The following NXPE4 variants were observed in gnomAD, a reference collection of about 807,000 sequenced individuals.
NXPE4 encodes the protein NXPE family member 4.
Under a neutral mutation model 33.3 loss-of-function variants are expected in NXPE4, and 42 were observed. That is an observed-to-expected ratio of 1.26 (90% CI 0.98 to 1.63). NXPE4 has a LOEUF of 1.63. Ranked by LOEUF, NXPE4 falls within the 40% of genes most tolerant of loss-of-function variation. NXPE4 has a pLI of 0.00. For synonymous variants in NXPE4, 253 were observed against 234.9 expected (o/e 1.08, Z -0.71); for missense variants, 709 against 647.6 (o/e 1.09, Z -1.03).
At chr11:114,580,087 A>G in intron 5 of NXPE4, 45 bp downstream of exon 5, 2 of 1,464,994 alleles carry the variant, frequency 1.4e-6, no homozygotes, top group Non-Finnish European at 1.9e-6. Flanking sequence ...AATGGAAAAG[A>G]AGTTTCTGAA....
chr11:114,620,363 GA>G, the NXPE4 span, among the ~76,000 whole-genome samples: 3 of 151,926 alleles, frequency 2.0e-5, no homozygotes, highest in African/African-American at 7.3e-5. Context: ...GTTACCGGTG[GA>G]AAATAAGTGT....
chr11:114,581,007 G>A (rs906171509), intron 4 of NXPE4, among the ~76,000 whole-genome samples: 3 of 152,162 alleles, frequency 2.0e-5, no homozygotes, highest in African/African-American at 7.2e-5. Context: ...TAAGTGGGAT[G>A]AGTGTACTCA....
chr11:114,634,363 G>A, the NXPE4 span, among the ~76,000 whole-genome samples: 3 of 150,528 alleles, frequency 2.0e-5, no homozygotes, highest in African/African-American at 7.3e-5. Context: ...CTGGATATTA[G>A]CCCTTTGTCA....
At chr11:114,580,858 C>A (rs1025654549) in intron 4 of NXPE4, among the ~76,000 whole-genome samples, 2 of 152,080 alleles carry the variant, frequency 1.3e-5, no homozygotes, top group African/African-American at 4.8e-5. Context: ...CTTAGAGGTC[C>A]AAGATGGGCC....
At chr11:114,575,741 G>A (rs958564922) in intron 5 of NXPE4, among the ~76,000 whole-genome samples, 1 of 152,030 alleles carries the variant, frequency 6.6e-6, no homozygotes, top group African/African-American at 2.4e-5. Context: ...CTCATGGATG[G>A]GTAGAATAAA....
the NXPE4 span, among the ~76,000 whole-genome samples, chr11:114,638,186 C>G: frequency 2.6e-5 from 4 of 151,944 alleles, no homozygotes; most frequent in Non-Finnish European, 5.9e-5. Context: ...TTTCTCTAAA[C>G]TTCCCTTCTC....
At chr11:114,581,681 G>A in intron 4 of NXPE4, 44 bp downstream of exon 4, 1 of 1,433,502 alleles carries the variant, frequency 7.0e-7, no homozygotes, top group South Asian at 1.2e-5. Context: ...CCCTTTAAAT[G>A]GGTCTAGAAC....
chr11:114,583,700 T>C, intron 2 of NXPE4: 2 of 571,690 alleles, frequency 3.5e-6, no homozygotes, highest in Non-Finnish European at 7.0e-6. Context: ...GGCATCTGGC[T>C]TCTGTTATGT....
chr11:114,671,570 C>T, the NXPE4 span, among the ~76,000 whole-genome samples: 2 of 151,842 alleles, frequency 1.3e-5, no homozygotes, highest in Admixed American at 1.3e-4. Flanking sequence ...ACCAGGTAAC[C>T]ACAATAAGAC....
At chr11:114,652,321 G>A in the NXPE4 span, among the ~76,000 whole-genome samples, 5 of 152,288 alleles carry the variant, frequency 3.3e-5, no homozygotes, top group East Asian at 7.7e-4. Context: ...TACCCCTTTG[G>A]AAAGGCTTCA....
chr11:114,584,045 G>C (rs985366759), intron 2 of NXPE4: 1 of 328,306 alleles, frequency 3.0e-6, no homozygotes, highest in African/African-American at 2.1e-5. Flanking sequence ...TGGCTCAGAT[G>C]CCTTGTCTAG....
the NXPE4 span, among the ~76,000 whole-genome samples, chr11:114,647,845 G>A: frequency 1.3e-5 from 2 of 151,882 alleles, no homozygotes; most frequent in African/African-American, 2.4e-5. Flanking sequence ...AAGATTACAG[G>A]TGCCTGCCAC....
the NXPE4 span, among the ~76,000 whole-genome samples, chr11:114,618,221 C>T: frequency 7.9e-5 from 12 of 151,872 alleles, no homozygotes; most frequent in East Asian, 5.8e-4. Context: ...CACTGTTACC[C>T]GGAGGATAAT....
intron 2 of NXPE4, among the ~76,000 whole-genome samples, chr11:114,592,524 C>A (rs1371972649): frequency 1.3e-5 from 2 of 151,844 alleles, no homozygotes; most frequent in African/African-American, 4.8e-5. Context: ...AACACACACA[C>A]ACACACTCAC....
Position 114,571,124 on chromosome 11 carries a change from A to C in NXPE4, c.1449T>G (p.Asp483Glu). Residue 483 changes from aspartate (D) to glutamate (E), a missense_variant, in exon 6 of 6, where the codon GAT becomes GAG. Transcript: ENST00000375478. ...KTENIREMYNDAERFSDFHGY... is the reference protein window; with the variant it reads ...KTENIREMYNEAERFSDFHGY... The stretch of plus-strand genomic sequence containing the variant: ...CATGAAAGTCACTAAATCTTTCTGC[A>C]TCATTGTACATCTCCCTGATGTTTT... 1 of 1,613,982 alleles carries C rather than the reference A, an allele frequency of 6.2e-7. No homozygotes were observed. Among genetic ancestry groups the C allele is most frequent in the Non-Finnish European group, 8.5e-7 (1 of 1,179,908 alleles).
the NXPE4 span, among the ~76,000 whole-genome samples, chr11:114,620,520 T>G: frequency 4.1e-5 from 6 of 147,304 alleles, no homozygotes; most frequent in African/African-American, 1.0e-4. Flanking sequence ...GGTAACCACT[T>G]TAAGGCGGTA....
At chr11:114,648,659 T>G in the NXPE4 span, among the ~76,000 whole-genome samples, 2 of 152,212 alleles carry the variant, frequency 1.3e-5, no homozygotes, top group African/African-American at 4.8e-5. Context: ...TGCATCTCCT[T>G]AAGTCATACT....
chr11:114,612,699 C>A, the NXPE4 span, among the ~76,000 whole-genome samples: 2 of 151,252 alleles, frequency 1.3e-5, no homozygotes, highest in Admixed American at 6.6e-5. Context: ...ACAACTGTTG[C>A]CCTGTGTATA....
the NXPE4 span, among the ~76,000 whole-genome samples, chr11:114,639,882 A>T: frequency 3.9e-5 from 2 of 51,702 alleles, no homozygotes; most frequent in African/African-American, 1.0e-4. Context: ...TAAATATAAA[A>T]TATGTTATAT....
Sources: gnomAD v4.1 joint callset for allele counts (sites outside exome capture counted in the v4.1 genomes callset) on GRCh38, gnomAD v4.1.1 for gene constraint, MANE v1.5 for transcripts, NCBI Gene and HGNC (gene_info 2026-07-23, HGNC 2026-07-21) for gene names.